RNASE10: variants seen among roughly 807,000 people sequenced by gnomAD.
RNASE10 encodes the protein inactive ribonuclease-like protein 10.
A neutral mutation model predicts 1.1 loss-of-function variants in RNASE10; 2 were observed. That is an observed-to-expected ratio of 1.82 (90% CI 0.74 to 5.73). The LOEUF is 5.73. Among genes scored for constraint, RNASE10 ranks in the 30% most tolerant of loss-of-function variants. The probability of loss-of-function intolerance (pLI) is 0.05; values close to 1 mark genes in which losing one functional copy is unlikely to be tolerated. For synonymous variants in RNASE10, 97 were observed against 96.2 expected (o/e 1.01, Z -0.05); for missense variants, 276 against 263.4 (o/e 1.05, Z -0.33).
intron 1 of RNASE10, among the ~76,000 whole-genome samples, chr14:20,508,172 T>G (rs1298714313): frequency 6.6e-6 from 1 of 152,200 alleles, no homozygotes. Flanking sequence ...TTTTCCTGCT[T>G]AATATTTCAG....
Position 20,510,911 on chromosome 14 carries a change from C to T in RNASE10, c.524C>T (p.Thr175Ile), listed in dbSNP as rs1247755587. Residue 175 changes from threonine to isoleucine, a missense_variant, in exon 2 of 2, where the codon ACA becomes ATA. Transcript: ENST00000430083. ...GCATTCATCCATGAGGATCTAAACA[C>T]AGTCAAAGCTGTCTGTAACAGTCCT... is the stretch of plus-strand genomic sequence containing the variant. The T allele has an allele frequency of 1.9e-6, 3 of 1,613,932 alleles. No individual in the cohort carries two copies. In the Admixed American group the frequency reaches 5.0e-5, roughly 27 times the overall value.
exon 2 of RNASE10, chr14:20,511,146 T>G: frequency 6.9e-7 from 1 of 1,442,702 alleles, no homozygotes; most frequent in Non-Finnish European, 9.2e-7. Context: ...CTTTTTTCTC[T>G]TCACCTTCTC....
At chr14:20,508,370 C>G (rs967341095) in intron 1 of RNASE10, among the ~76,000 whole-genome samples, 20 of 152,260 alleles carry the variant, frequency 1.3e-4, no homozygotes, top group African/African-American at 4.6e-4. Context: ...ATGTTGCATG[C>G]TGTTCTGAGT....
intron 1 of RNASE10, among the ~76,000 whole-genome samples, chr14:20,508,099 T>C (rs1479849608): frequency 6.6e-6 from 1 of 152,156 alleles, no homozygotes; most frequent in Non-Finnish European, 1.5e-5. Flanking sequence ...AACACACACA[T>C]GTATACATAT....
chr14:20,507,924 A>G (rs1263492059), intron 1 of RNASE10, among the ~76,000 whole-genome samples: 1 of 151,666 alleles, frequency 6.6e-6, no homozygotes. Context: ...ATTTTTTCAT[A>G]TTTTTTGTAG....
exon 2 of RNASE10, chr14:20,510,556 A>ATGG (rs747967123): frequency 7.7e-5 from 125 of 1,614,008 alleles, no homozygotes; most frequent in Non-Finnish European, 1.0e-4. Context: ...GGGACTTCAT[A>ATGG]TGGCTACAGC....
At chr14:20,511,500 A>G (rs1882899468), downstream of RNASE10, among the ~76,000 whole-genome samples, 1 of 152,326 alleles carries the variant, frequency 6.6e-6, no homozygotes, top group Non-Finnish European at 1.5e-5. Flanking sequence ...CTGAGCCTCT[A>G]CAACAATCAC....
chr14:20,506,783 C>T (rs1233461945), intron 1 of RNASE10, among the ~76,000 whole-genome samples: 9 of 132,918 alleles, frequency 6.8e-5, no homozygotes, highest in African/African-American at 2.6e-4. Context: ...AGCCCCCCGC[C>T]CGGCCAGCCG....
At chr14:20,513,181 A>C (rs545203083), downstream of RNASE10, among the ~76,000 whole-genome samples, 2 of 151,980 alleles carry the variant, frequency 1.3e-5, no homozygotes, top group Admixed American at 1.3e-4. Flanking sequence ...ACTTTGGGCA[A>C]ATCTCAGTGG....
At chr14:20,506,341 C>T (rs1375669601) in intron 1 of RNASE10, among the ~76,000 whole-genome samples, 3 of 127,728 alleles carry the variant, frequency 2.3e-5, no homozygotes, top group East Asian at 2.3e-4. Context: ...CCCGGCCAGC[C>T]GCCCAGTCCG....
At chr14:20,506,872 CCCGG>C (rs1882746359) in intron 1 of RNASE10, among the ~76,000 whole-genome samples, 2 of 130,474 alleles carry the variant, frequency 1.5e-5, no homozygotes, top group Non-Finnish European at 3.3e-5. Context: ...GGCGCCTCTG[CCCGG>C]CCGCCCCTAC....
At chr14:20,506,446 G>T (rs1370045943) in intron 1 of RNASE10, among the ~76,000 whole-genome samples, 2 of 131,146 alleles carry the variant, frequency 1.5e-5, no homozygotes, top group African/African-American at 3.0e-5. Context: ...GGGAGGGGGG[G>T]TCAGCCCCCT....
intron 1 of RNASE10, among the ~76,000 whole-genome samples, chr14:20,506,311 T>TGG (rs377620910): frequency 4.9e-5 from 4 of 81,538 alleles, no homozygotes; most frequent in South Asian, 5.2e-4. Context: ...GGGAGGGAGG[T>TGG]GGGGGGGGTC....
chr14:20,508,728 G>C (rs926242764), intron 1 of RNASE10, among the ~76,000 whole-genome samples: 5 of 151,942 alleles, frequency 3.3e-5, no homozygotes, highest in Non-Finnish European at 7.4e-5. Context: ...TCTTTTATCT[G>C]CAAATTTTGA....
rs757014571 is a variant in RNASE10 at position 20,511,043 on chromosome 14, A to G, written c.656A>G (p.Asn219Ser). The G allele has an allele frequency of 2.9e-5, 45 of 1,542,840 alleles. No homozygotes were observed. The Admixed American group carries it at 5.5e-4, about 19-fold the overall frequency. ...CCAGACCAGGTCACTCCTAACTGCAATTACCTAACTTCTGTTATAAAAAAG... is the reference window on the plus strand; with the variant it reads ...CCAGACCAGGTCACTCCTAACTGCAGTTACCTAACTTCTGTTATAAAAAAG... The change falls in exon 2 of 2, where the codon AAT becomes AGT. Residue 219 changes from asparagine to serine, a missense_variant. Asn to Ser is a conservative substitution (Grantham distance 46). Transcript: ENST00000430083.
At chr14:20,511,044 T>C (rs368239335) in exon 2 of RNASE10, 2 of 1,539,860 alleles carry the variant, frequency 1.3e-6, no homozygotes, top group African/African-American at 2.8e-5. Flanking sequence ...CTAACTGCAA[T>C]TACCTAACTT....
chr14:20,511,062 A>G, exon 2 of RNASE10: 2 of 1,526,150 alleles, frequency 1.3e-6, no homozygotes, highest in Non-Finnish European at 1.8e-6. Flanking sequence ...CTTCTGTTAT[A>G]AAAAAGCACA....
intron 1 of RNASE10, among the ~76,000 whole-genome samples, chr14:20,506,977 C>T (rs1489934357): frequency 2.7e-4 from 39 of 145,714 alleles, no homozygotes; most frequent in Non-Finnish European, 5.0e-4. Flanking sequence ...CCGCCCCGTC[C>T]GGGAGGGAGG....
chr14:20,513,354 A>G (rs1305947216), downstream of RNASE10, among the ~76,000 whole-genome samples: 2 of 152,156 alleles, frequency 1.3e-5, no homozygotes, highest in East Asian at 3.9e-4. Context: ...GTGACAAGGC[A>G]TTGTGGGGAC....
Sources: allele counts gnomAD v4.1 joint callset (sites outside exome capture counted in the v4.1 genomes callset), GRCh38; gene constraint gnomAD v4.1.1; transcripts MANE v1.5; gene names NCBI Gene and HGNC (gene_info 2026-07-23, HGNC 2026-07-21).